Variants in FBN1 observed in about 807,000 individuals in gnomAD.
The protein encoded by FBN1 is fibrillin 1.
Under a neutral mutation model 365.1 loss-of-function variants are expected in FBN1, and 29 were observed. The observed-to-expected ratio is 0.08, with a 90% CI of 0.06 to 0.11. The LOEUF (loss-of-function observed/expected upper bound fraction) is 0.11, where lower values mean the gene tolerates loss of function less well. Ranked by LOEUF, FBN1 falls within the 10% of genes least tolerant of loss-of-function variation. The pLI, the probability that FBN1 is intolerant of heterozygous loss-of-function variation, is 1.00. For missense variants in FBN1, 2,476 were observed against 3,703.2 expected (o/e 0.67, Z 8.60); for synonymous variants, 1,210 against 1,270.5 (o/e 0.95, Z 1.01).
chr15:48,499,492 T>C (rs2043637359), intron 17 of FBN1, among the ~76,000 whole-genome samples: 1 of 152,182 alleles, frequency 6.6e-6, no homozygotes, highest in Non-Finnish European at 1.5e-5. Flanking sequence ...GCAAATTCTC[T>C]AGCCTCCTCT....
At chr15:48,434,857 G>C in intron 53 of FBN1, 144 bp from the exon 54 acceptor site, 1 of 982,566 alleles carries the variant, frequency 1.0e-6, no homozygotes, top group South Asian at 1.4e-5. Context: ...CAGTGCTGTG[G>C]CGCGATTTCA....
In FBN1 at chr15:48,442,790, T is replaced by G. The variant is rs866182248; in HGVS notation, c.6038-944A>C. Among the ~76,000 whole-genome samples the G allele has an allele frequency of 3.3e-5, 5 of 152,336 alleles. No homozygotes were observed. The Middle Eastern group carries it at 0.014, about 415-fold the overall frequency. The stretch of plus-strand genomic sequence containing the variant: ...CTATTCCAACAAACTCACTTATCTT[T>G]CCTCCTGACTTTCAGCAGGAATTTT... On this transcript the variant is annotated intron_variant, in intron 49 of 65. Transcript: ENST00000316623.
rs1273757210 is a variant in FBN1 at position 48,487,388 on chromosome 15, G to A, written c.3387C>T (p.Cys1129=). Residue 1129 remains cysteine (C), a synonymous_variant, in exon 28 of 66, where the codon TGC becomes TGT. Transcript: ENST00000316623. ...AGCGGTAACTTCCCTCTGTGTTATG[G>A]CAAACACCACCTCGGCATAGGAGAG... ...RDPLLCRGGV[C]HNTEGSYRCE... The A allele has an allele frequency of 6.2e-7, 1 of 1,614,144 alleles. No individual in the cohort carries two copies.
At chr15:48,622,011 AG>A in intron 2 of FBN1, among the ~76,000 whole-genome samples, 1 of 151,984 alleles carries the variant, frequency 6.6e-6, no homozygotes, top group Non-Finnish European at 1.5e-5. Context: ...AAAAAAAAAA[AG>A]AAAAAAATTG....
In FBN1 at chr15:48,495,302, AT is replaced by A. The variant is rs781738085; in HGVS notation, c.2540-43del. 5.6e-6 allele frequency: 9 copies of A among 1,608,660 alleles called. No individual in the cohort carries two copies. The African/African-American group carries it at 9.4e-5, about 17-fold the overall frequency. On this transcript the variant is annotated intron_variant, in intron 21 of 65. Transcript: ENST00000316623. ...AATATTTAATAGAATCTATATAAAA[AT>A]TCAAACATACACCTTGGAATTATAG...
chr15:48,452,212 C>T (rs1020229537), intron 45 of FBN1, among the ~76,000 whole-genome samples: 1 of 152,116 alleles, frequency 6.6e-6, no homozygotes, highest in Non-Finnish European at 1.5e-5. Context: ...TCATTTGGTC[C>T]TAAATGTTGC....
chr15:48,599,410 T>C (rs1244099697), intron 5 of FBN1, among the ~76,000 whole-genome samples: 3 of 152,136 alleles, frequency 2.0e-5, no homozygotes, highest in Non-Finnish European at 4.4e-5. Context: ...TAAGAACTCA[T>C]GTACCAAATA....
Position 48,408,406 on chromosome 15 carries a change from T to C in FBN1, c.*2584A>G, listed in dbSNP as rs2042835199. 6.6e-6 allele frequency: 1 copy of C among 152,668 alleles called. No homozygotes were observed. Among genetic ancestry groups the C allele is most frequent in the African/African-American group, 2.4e-5 (1 of 41,464 alleles). 9.5% of individuals were successfully genotyped at this position (152,668 alleles called of 1,614,324 possible). ...TGTAATGGCAATATCCAAAGTGATT[T>C]TGGCTGAGTAAACTGCTATTTGTTG... is the stretch of plus-strand genomic sequence containing the variant. On this transcript the variant is annotated 3_prime_UTR_variant, in exon 66 of 66. Transcript: ENST00000316623.
At chr15:48,541,177 A>G (rs1467570273) in intron 6 of FBN1, among the ~76,000 whole-genome samples, 1 of 152,178 alleles carries the variant, frequency 6.6e-6, no homozygotes, top group Non-Finnish European at 1.5e-5. Context: ...TATGAAATAC[A>G]TAGAATCGAG....
In FBN1 at chr15:48,470,663, T is replaced by C; in HGVS notation, c.4430A>G (p.Glu1477Gly). 1.2e-6 allele frequency: 2 copies of C among 1,614,094 alleles called. No homozygotes were observed. Among genetic ancestry groups the C allele is most frequent in the Non-Finnish European group, 1.7e-6 (2 of 1,180,006 alleles). The change falls in exon 36 of 66, where the codon GAA becomes GGA. Residue 1477 changes from glutamate (E) to glycine (G), a missense_variant. Around this residue, in one of 5 missense-constraint regions of FBN1, gnomAD observed 1,780 missense variants for 2,840.8 expected, o/e 0.63. Coordinates refer to ENST00000316623, the MANE Select transcript of FBN1 (RefSeq NM_000138.5). ...GCAGTTCCCGCCGCTTCTGTCCAGTTCGTAGCCTATCTCACACTCACAGCG... is the reference window on the plus strand; with the variant it reads ...GCAGTTCCCGCCGCTTCTGTCCAGTCCGTAGCCTATCTCACACTCACAGCG... ...LFRCECEIGY[E>G]LDRSGGNCTD...
At chr15:48,462,374 A>T (rs2043286041) in intron 42 of FBN1, among the ~76,000 whole-genome samples, 4 of 151,972 alleles carry the variant, frequency 2.6e-5, no homozygotes, top group African/African-American at 4.8e-5. Context: ...GACAAATAAC[A>T]TTATTTAGTT....
intron 6 of FBN1, among the ~76,000 whole-genome samples, chr15:48,546,938 T>C (rs911115948): frequency 6.6e-6 from 1 of 152,116 alleles, no homozygotes; most frequent in Non-Finnish European, 1.5e-5. Flanking sequence ...ACGGGGAAAC[T>C]AGGGAAGATT....
intron 63 of FBN1, among the ~76,000 whole-genome samples, chr15:48,418,620 T>C (rs2141218316): frequency 6.6e-6 from 1 of 152,350 alleles, no homozygotes; most frequent in East Asian, 1.9e-4. Context: ...CTGGAGCAAA[T>C]GACTCCACAA....
chr15:48,430,623 C>T (rs2043016229), intron 56 of FBN1, 48 bp downstream of exon 56: 1 of 1,611,066 alleles, frequency 6.2e-7, no homozygotes, highest in African/African-American at 1.3e-5. Flanking sequence ...CTTCTGTCCA[C>T]TGTCACTTCT....
chr15:48,413,722 G>C (rs1486126287), intron 64 of FBN1, among the ~76,000 whole-genome samples: 3 of 152,122 alleles, frequency 2.0e-5, no homozygotes, highest in Admixed American at 6.5e-5. Context: ...TTCTAACAAT[G>C]GGTCATAATA....
intron 6 of FBN1, among the ~76,000 whole-genome samples, chr15:48,558,182 C>A (rs2044196623): frequency 6.6e-6 from 1 of 152,206 alleles, no homozygotes; most frequent in South Asian, 2.1e-4. Flanking sequence ...TCATGTATTT[C>A]TCTGCACACA....
In FBN1 at chr15:48,551,467, T is replaced by A. The variant is rs531045602; in HGVS notation, c.539-13659A>T. ...ATATAGAGCAAAGATAAAGGTGACATGCAGATCAAGTCCAAGCCTGGATTC... is the reference window on the plus strand; with the variant it reads ...ATATAGAGCAAAGATAAAGGTGACAAGCAGATCAAGTCCAAGCCTGGATTC... On this transcript the variant is annotated intron_variant, in intron 6 of 65. Transcript: ENST00000316623. 4.5e-4 allele frequency among the ~76,000 whole-genome samples: 68 copies of A among 152,226 alleles called. No homozygotes were observed. In the Middle Eastern group the frequency reaches 0.014, roughly 31 times the overall value.
At position 48,446,832 on chromosome 15, in the gene FBN1, A is replaced by G; in HGVS notation, c.5672-10T>C. The G allele has an allele frequency of 6.5e-7, 1 of 1,533,322 alleles. No individual in the cohort carries two copies. The highest frequency in any genetic ancestry group is 9.0e-7 in the Non-Finnish European group (1 of 1,106,770). The allele number at this position is 1,533,322 out of a possible 1,614,324, so 95.0% of individuals were successfully genotyped here. ...TCACATTCATTTATGTCTAGTAGGA[A>G]GAAAGGCCATAAAGAAACATAATTA... On this transcript the variant is annotated splice_polypyrimidine_tract_variant and intron_variant, in intron 46 of 65. Coordinates refer to ENST00000316623, the MANE Select transcript of FBN1 (RefSeq NM_000138.5).
chr15:48,419,648 A>G (rs2042925249), intron 63 of FBN1, among the ~76,000 whole-genome samples: 1 of 152,204 alleles, frequency 6.6e-6, no homozygotes, highest in African/African-American at 2.4e-5. Flanking sequence ...CTTGTGTAGA[A>G]TCAAACTAGA....
Sources: allele counts gnomAD v4.1 joint callset (sites outside exome capture counted in the v4.1 genomes callset), GRCh38; gene constraint gnomAD v4.1.1; regional missense constraint gnomAD v4.1.1; transcripts MANE v1.5; gene names NCBI Gene and HGNC (gene_info 2026-07-23, HGNC 2026-07-21).